Variants in JADE3 observed in about 807,000 individuals in gnomAD.
The protein encoded by JADE3 is jade family PHD finger 3.
JADE3 carries 2 observed loss-of-function variants against 50.1 expected under a neutral mutation model. The ratio of observed to expected loss-of-function variants is 0.04; its 90% CI spans 0.02 to 0.13. JADE3 has a LOEUF of 0.13. Among genes scored for constraint, JADE3 ranks in the 10% least tolerant of loss-of-function variants. JADE3 has a pLI of 1.00. For missense variants in JADE3, 475 were observed against 634.4 expected, an observed-to-expected ratio of 0.75 and a Z score of 2.70; for synonymous variants, 218 against 232.9, an observed-to-expected ratio of 0.94 and a Z score of 0.58.
intron 1 of JADE3, among the ~76,000 whole-genome samples, chrX:46,958,776 AC>A (rs1176655202): frequency 1.8e-5 from 2 of 111,104 alleles, no homozygotes; most frequent in African/African-American, 3.3e-5. Context: ...AATTATATCT[AC>A]CCCCATTGAA....
At chrX:47,015,092 A>G (rs1209455877) in intron 4 of JADE3, among the ~76,000 whole-genome samples, 3 of 112,498 alleles carry the variant, frequency 2.7e-5, no homozygotes, top group Non-Finnish European at 5.6e-5. Context: ...TTTTTAATAA[A>G]GAATGTTATA....
chrX:47,024,418 A>C (rs1556365093), intron 4 of JADE3, among the ~76,000 whole-genome samples: 1 of 112,046 alleles, frequency 8.9e-6, no homozygotes, highest in Non-Finnish European at 1.9e-5. Context: ...ACTGGAGCCC[A>C]GGAGTTCAAG....
In JADE3 at chrX:47,058,835, G is replaced by C; in HGVS notation, c.2230G>C (p.Glu744Gln). The change falls in exon 11 of 11, where the codon GAG becomes CAG. Residue 744 changes from glutamate (E) to glutamine (Q), a missense_variant. Coordinates refer to ENST00000614628, the MANE Select transcript of JADE3 (RefSeq NM_014735.5). ...GCCAACCAAGAATATGAGCCCCAAG[G>C]AGCAGTTCTGGGGTAGACAGGTTCT... ...VKPTKNMSPK[E>Q]QFWGRQVLRR... 8 of 1,209,153 alleles carry C rather than the reference G, an allele frequency of 6.6e-6. No individual in the cohort carries two copies. Among genetic ancestry groups the C allele is most frequent in the Non-Finnish European group, 9.0e-6 (8 of 893,275 alleles).
chrX:47,005,032 A>G (rs1407933039), intron 4 of JADE3, among the ~76,000 whole-genome samples: 1 of 111,665 alleles, frequency 9.0e-6, no homozygotes, highest in Non-Finnish European at 1.9e-5. Context: ...TCAGGAGAAG[A>G]AAGCAGAACA....
chrX:46,985,520 T>C (rs191101086), intron 2 of JADE3, among the ~76,000 whole-genome samples, 193 bp from the exon 3 acceptor site: 1 of 112,237 alleles, frequency 8.9e-6, no homozygotes, highest in Admixed American at 9.4e-5. Flanking sequence ...CTGTAGGAGA[T>C]CATCTATAAA....
Position 47,058,056 on chromosome X carries a change from C to T in JADE3, c.1562-111C>T. ...CCATGATATACATACATAGCAGAGC[C>T]AGGTGCTTGTTAAACATTTGGAAGA... On this transcript the variant is annotated intron_variant, in intron 10 of 10. Transcript: ENST00000614628. 9.7e-6 allele frequency: 6 copies of T among 621,214 alleles called. No individual in the cohort carries two copies. In the South Asian group the frequency reaches 1.8e-4, roughly 18 times the overall value. The allele number at this position is 621,214 out of a possible 1,213,427, so 51.2% of individuals were successfully genotyped here. A position where few individuals can be genotyped will look rare whatever the true frequency, so the allele number is the denominator to read the frequency against.
chrX:46,983,783 T>C (rs934904796), intron 1 of JADE3, among the ~76,000 whole-genome samples: 45 of 111,904 alleles, frequency 4.0e-4, no homozygotes, highest in African/African-American at 1.4e-3. Context: ...CCAGAGACTT[T>C]AAATGGTTGG....
intron 1 of JADE3, among the ~76,000 whole-genome samples, chrX:46,952,914 C>G (rs1556345574): frequency 9.1e-6 from 1 of 110,118 alleles, no homozygotes; most frequent in African/African-American, 3.3e-5. Context: ...AGGAGAATCT[C>G]TTGAGCCCAG....
intron 8 of JADE3, among the ~76,000 whole-genome samples, 200 bp from the exon 9 acceptor site, chrX:47,053,958 T>G (rs1322812703): frequency 9.0e-6 from 1 of 111,658 alleles, no homozygotes; most frequent in East Asian, 2.8e-4. Flanking sequence ...GTTTGAATTA[T>G]TTTTGGCCTC....
intron 8 of JADE3, among the ~76,000 whole-genome samples, chrX:47,047,085 G>C (rs1316487133): frequency 9.0e-6 from 1 of 111,598 alleles, no homozygotes; most frequent in African/African-American, 3.3e-5. Context: ...AAATCCCAGT[G>C]CTTTGGGAGC....
At chrX:46,922,840 A>G (rs1926253388) in intron 1 of JADE3, among the ~76,000 whole-genome samples, 1 of 111,666 alleles carries the variant, frequency 9.0e-6, no homozygotes, top group South Asian at 3.7e-4. Context: ...GTCTGGATTT[A>G]GTAATTCCTT....
At chrX:47,029,353 A>G (rs1295690027) in intron 6 of JADE3, among the ~76,000 whole-genome samples, 2 of 111,575 alleles carry the variant, frequency 1.8e-5, no homozygotes, top group Non-Finnish European at 3.8e-5. Flanking sequence ...TAGTGAAAGC[A>G]GGCAAAATAT....
chrX:46,995,286 C>T lies in JADE3; in HGVS notation c.127-2834C>T, dbSNP rs782782686. Among the ~76,000 whole-genome samples the T allele has an allele frequency of 1.3e-3, 145 of 111,187 alleles. 2 individuals are homozygous for T. The highest frequency in any genetic ancestry group is 2.1e-3 in the Non-Finnish European group (114 of 53,071). On this transcript the variant is annotated intron_variant, in intron 3 of 10. Transcript: ENST00000614628. Reference sequence around the variant, plus strand: ...CCTCGTAATCCACCCGCCTTGGCCTCCCAAAGTGCTGGGATTACAGGTGTG... The same window carrying T: ...CCTCGTAATCCACCCGCCTTGGCCTTCCAAAGTGCTGGGATTACAGGTGTG...
chrX:46,927,700 T>TC (rs1434910442), intron 1 of JADE3, among the ~76,000 whole-genome samples: 2 of 112,072 alleles, frequency 1.8e-5, no homozygotes, highest in African/African-American at 6.5e-5. Flanking sequence ...TGGCTTAATC[T>TC]CCCCAGTTTT....
At chrX:46,968,075 A>G (rs1332724044) in intron 1 of JADE3, among the ~76,000 whole-genome samples, 1 of 111,686 alleles carries the variant, frequency 9.0e-6, no homozygotes, top group African/African-American at 3.3e-5. Flanking sequence ...TGTAAGTTTT[A>G]CCCGTTTCTT....
chrX:47,035,819 A>G (rs1264777588), intron 7 of JADE3, among the ~76,000 whole-genome samples: 3 of 111,601 alleles, frequency 2.7e-5, no homozygotes, highest in Admixed American at 9.5e-5. Flanking sequence ...TTATTTTCAC[A>G]TGGAAAAGAA....
intron 1 of JADE3, among the ~76,000 whole-genome samples, chrX:46,936,738 A>G (rs368310912): frequency 1.1e-4 from 12 of 111,748 alleles, no homozygotes; most frequent in East Asian, 5.6e-4. Context: ...TAAGTTGTCT[A>G]TGTGTGCAGT....
intron 1 of JADE3, among the ~76,000 whole-genome samples, chrX:46,971,381 G>T (rs1927485527): frequency 9.2e-6 from 1 of 108,958 alleles, no homozygotes; most frequent in Non-Finnish European, 1.9e-5. Flanking sequence ...CTCCCAACGT[G>T]CTGGGATTAC....
intron 8 of JADE3, among the ~76,000 whole-genome samples, chrX:47,046,933 T>C (rs1405144288): frequency 1.8e-5 from 2 of 111,968 alleles, no homozygotes; most frequent in Non-Finnish European, 3.8e-5. Flanking sequence ...GGATAAATGC[T>C]TGAGGTGTGG....
Sources: gnomAD v4.1 joint callset for allele counts (sites outside exome capture counted in the v4.1 genomes callset) on GRCh38, gnomAD v4.1.1 for gene constraint, MANE v1.5 for transcripts, NCBI Gene and HGNC (gene_info 2026-07-23, HGNC 2026-07-21) for gene names.